The following AGPAT4 variants were observed in gnomAD, a reference collection of about 807,000 sequenced individuals.
AGPAT4 encodes the protein 1-acylglycerol-3-phosphate O-acyltransferase 4.
Under a neutral mutation model 48.0 loss-of-function variants are expected in AGPAT4, and 15 were observed. That is an observed-to-expected ratio of 0.31 (90% CI 0.21 to 0.48). AGPAT4 has a LOEUF of 0.48. Ranked by LOEUF, AGPAT4 falls within the 20% of genes least tolerant of loss-of-function variation. The pLI, the probability that AGPAT4 is intolerant of heterozygous loss-of-function variation, is 0.99. For missense variants in AGPAT4, 314 were observed against 482.5 expected, an observed-to-expected ratio of 0.65 and a Z score of 3.27; for synonymous variants, 178 against 198.7, an observed-to-expected ratio of 0.90 and a Z score of 0.88.
rs548080298 is a variant in AGPAT4, at chr6:161,158,492, G to C, written c.349-4182C>G. On this transcript the variant is annotated intron_variant, in intron 3 of 8. Transcript: ENST00000320285. The surrounding 1 kb of genome is among the most constrained non-coding windows in gnomAD (Gnocchi z 5.3). ...TGGAGTAAACCACTATGGAGAGAGA[G>C]AGTGAAAGAGAGAGTTGTCTTAGGG... Among the ~76,000 whole-genome samples the C allele has an allele frequency of 7.2e-5, 11 of 152,336 alleles. No homozygotes were observed. In the South Asian group the frequency reaches 2.1e-3, roughly 29 times the overall value.
intron 5 of AGPAT4, among the ~76,000 whole-genome samples, chr6:161,150,887 G>GTAGTTCAGCGGTT (rs1336784939): frequency 6.6e-6 from 1 of 152,218 alleles, no homozygotes; most frequent in Non-Finnish European, 1.5e-5. Flanking sequence ...CAGAGCTCAC[G>GTAGTTCAGCGGTT]TAGTTCAGCG....
In AGPAT4 at chr6:161,171,951, T is replaced by C. The variant is rs772697408; in HGVS notation, c.179-5534A>G. ...CCAAAAGTTTCCAACACATGAACTC[T>C]GGGGGACACATTCAGAACATAGCAT... On this transcript the variant is annotated intron_variant, in intron 2 of 8. Coordinates refer to ENST00000320285, the MANE Select transcript of AGPAT4 (RefSeq NM_020133.3). This position sits in a 1 kb window ranked among gnomAD's most constrained non-coding sequence, Gnocchi z 4.4. Among the ~76,000 whole-genome samples, 3 of 152,032 alleles carry C rather than the reference T, an allele frequency of 2.0e-5. No homozygotes were observed. Among genetic ancestry groups the C allele is most frequent in the Non-Finnish European group, 4.4e-5 (3 of 67,998 alleles).
chr6:161,218,653 T>C lies in AGPAT4; in HGVS notation c.178+13383A>G, dbSNP rs1047979902. Among the ~76,000 whole-genome samples the C allele has an allele frequency of 6.6e-6, 1 of 152,106 alleles. No individual in the cohort carries two copies. On this transcript the variant is annotated intron_variant, in intron 2 of 8. Coordinates refer to ENST00000320285, the MANE Select transcript of AGPAT4 (RefSeq NM_020133.3). The surrounding 1 kb of genome is among the most constrained non-coding windows in gnomAD (Gnocchi z 4.7). Reference sequence around the variant, plus strand: ...ACGGCCCTAGCACAGTGTATCCACATCAAATCTACTCAAAAACAGCCACTT... The same window carrying C: ...ACGGCCCTAGCACAGTGTATCCACACCAAATCTACTCAAAAACAGCCACTT...
intron 1 of AGPAT4, among the ~76,000 whole-genome samples, chr6:161,247,981 CAAAAAAAAAAAAAA>C (rs143168079): frequency 3.5e-5 from 1 of 28,212 alleles, no homozygotes; most frequent in East Asian, 1.3e-3. Flanking sequence ...GACTCTGTCT[CAAAAAAAAAAAAAA>C]AAAAAAAAAA....
chr6:161,173,232 A>G (rs1272377090), intron 2 of AGPAT4, among the ~76,000 whole-genome samples: 1 of 152,188 alleles, frequency 6.6e-6, no homozygotes, highest in African/African-American at 2.4e-5. Flanking sequence ...GTCTTCCACA[A>G]TGGTTGAACC....
chr6:161,157,082 CTG>C (rs1455693056), intron 3 of AGPAT4, among the ~76,000 whole-genome samples: 2 of 152,232 alleles, frequency 1.3e-5, no homozygotes, highest in Non-Finnish European at 2.9e-5. Flanking sequence ...CTCTATATTT[CTG>C]TGTGTCTTTA....
intron 2 of AGPAT4, among the ~76,000 whole-genome samples, chr6:161,185,221 T>C (rs1780734053): frequency 6.6e-6 from 1 of 151,482 alleles, no homozygotes; most frequent in Non-Finnish European, 1.5e-5. Flanking sequence ...TTACATTATA[T>C]TAAGAATGCC....
rs1248205717 is a variant in AGPAT4, at chr6:161,245,953, G to A, written c.-89-13651C>T. Among the ~76,000 whole-genome samples the A allele has an allele frequency of 6.6e-6, 1 of 152,176 alleles. No homozygotes were observed. Among genetic ancestry groups the A allele is most frequent in the Non-Finnish European group, 1.5e-5 (1 of 68,028 alleles). On this transcript the variant is annotated intron_variant, in intron 1 of 8. Transcript: ENST00000320285. This position sits in a 1 kb window ranked among gnomAD's most constrained non-coding sequence, Gnocchi z 5.2. ...TTTCTGACATGAATCATTTATTGAA[G>A]ACAGAATTGCTGGCTTCGAGTGCCC...
rs191615874 is a variant in AGPAT4 at position 161,249,994 on chromosome 6, C to A, written c.-89-17692G>T. 1.4e-3 allele frequency among the ~76,000 whole-genome samples: 206 copies of A among 152,324 alleles called. No individual in the cohort carries two copies. The highest frequency in any genetic ancestry group is 2.5e-3 in the Non-Finnish European group (172 of 68,030). On this transcript the variant is annotated intron_variant, in intron 1 of 8. Transcript: ENST00000320285. The surrounding 1 kb of genome is among the most constrained non-coding windows in gnomAD (Gnocchi z 6.2). The stretch of plus-strand genomic sequence containing the variant: ...ATAAAGGAAATGTGGTACATATATA[C>A]TGTGGAATATTATGCAACTATAAAA...
chr6:161,136,663 A>G, intron 8 of AGPAT4, 29 bp from the exon 9 acceptor site: 1 of 1,601,520 alleles, frequency 6.2e-7, no homozygotes, highest in South Asian at 1.1e-5. Flanking sequence ...CAGAGTTAGG[A>G]GTAGCCCAAA....
At chr6:161,172,963 G>C (rs1780315993) in intron 2 of AGPAT4, among the ~76,000 whole-genome samples, 1 of 152,156 alleles carries the variant, frequency 6.6e-6, no homozygotes, top group Non-Finnish European at 1.5e-5. Flanking sequence ...TCCCTACAAA[G>C]AACATGAACT....
chr6:161,228,661 T>TA (rs375011382), intron 2 of AGPAT4, among the ~76,000 whole-genome samples: 20,815 of 84,042 alleles, frequency 0.25, 3,013 homozygotes, highest in Non-Finnish European at 0.3. Context: ...GTCAGAGAGG[T>TA]AAAAAAAAAA....
At chr6:161,241,682 G>C (rs888381387) in intron 1 of AGPAT4, among the ~76,000 whole-genome samples, 1 of 152,200 alleles carries the variant, frequency 6.6e-6, no homozygotes, top group Non-Finnish European at 1.5e-5. Flanking sequence ...AGGAAATTAA[G>C]TGTTCTCTAA....
rs1779220436 is a variant in AGPAT4 at position 161,140,674 on chromosome 6, A to G, written c.844-1054T>C. 6.6e-6 allele frequency among the ~76,000 whole-genome samples: 1 copy of G among 152,066 alleles called. No individual in the cohort carries two copies. ...CTGAGCTGAGCCAGGACCTGGGGGGAACAAGGAGCTGTGGCACCAGGATGC... is the reference window on the plus strand; with the variant it reads ...CTGAGCTGAGCCAGGACCTGGGGGGGACAAGGAGCTGTGGCACCAGGATGC... On this transcript the variant is annotated intron_variant, in intron 7 of 8. Transcript: ENST00000320285. The surrounding 1 kb of genome is among the most constrained non-coding windows in gnomAD (Gnocchi z 6.5).
chr6:161,164,454 A>G lies in AGPAT4; in HGVS notation c.348+1794T>C, dbSNP rs1295255905. Among the ~76,000 whole-genome samples the G allele has an allele frequency of 1.3e-5, 2 of 152,232 alleles. No homozygotes were observed. Among genetic ancestry groups the G allele is most frequent in the Non-Finnish European group, 2.9e-5 (2 of 68,048 alleles). ...GCACATCACGAGCCAGGAAGGTATTAGAAGCCTGGTCCTTACTGCAGCTGG... is the reference window on the plus strand; with the variant it reads ...GCACATCACGAGCCAGGAAGGTATTGGAAGCCTGGTCCTTACTGCAGCTGG... On this transcript the variant is annotated intron_variant, in intron 3 of 8. Coordinates refer to ENST00000320285, the MANE Select transcript of AGPAT4 (RefSeq NM_020133.3). This position sits in a 1 kb window ranked among gnomAD's most constrained non-coding sequence, Gnocchi z 7.4.
Position 161,221,507 on chromosome 6 carries a change from C to T in AGPAT4, c.178+10529G>A, listed in dbSNP as rs1781834726. On this transcript the variant is annotated intron_variant, in intron 2 of 8. Transcript: ENST00000320285. The surrounding 1 kb of genome is among the most constrained non-coding windows in gnomAD (Gnocchi z 4.5). ...AAGGGAGAGGAGAGAGAAATAGATA[C>T]CATATTAATGTGTCATTTATCACGA... Among the ~76,000 whole-genome samples the T allele has an allele frequency of 6.6e-6, 1 of 152,106 alleles. No individual in the cohort carries two copies. Among genetic ancestry groups the T allele is most frequent in the Admixed American group, 6.5e-5 (1 of 15,268 alleles).
rs1235652965 is a variant in AGPAT4, at chr6:161,214,223, C to T, written c.178+17813G>A. Among the ~76,000 whole-genome samples the T allele has an allele frequency of 6.6e-6, 1 of 152,160 alleles. No homozygotes were observed. Among genetic ancestry groups the T allele is most frequent in the Non-Finnish European group, 1.5e-5 (1 of 68,028 alleles). ...ATGTTACATCTGTTGATTGATGTCTCGTGTCTCTCTAAAATGTATAAAACC... is the reference window on the plus strand; with the variant it reads ...ATGTTACATCTGTTGATTGATGTCTTGTGTCTCTCTAAAATGTATAAAACC... On this transcript the variant is annotated intron_variant, in intron 2 of 8. Coordinates refer to ENST00000320285, the MANE Select transcript of AGPAT4 (RefSeq NM_020133.3). This position sits in a 1 kb window ranked among gnomAD's most constrained non-coding sequence, Gnocchi z 5.4.
In AGPAT4 at chr6:161,249,616, A is replaced by G. The variant is rs891259513; in HGVS notation, c.-89-17314T>C. ...CAAATCAAAAACACAGTGAGATAGC[A>G]TCTCACACCAGTCAGAATGGCTATT... On this transcript the variant is annotated intron_variant, in intron 1 of 8. Coordinates refer to ENST00000320285, the MANE Select transcript of AGPAT4 (RefSeq NM_020133.3). The surrounding 1 kb of genome is among the most constrained non-coding windows in gnomAD (Gnocchi z 6.2). 2.0e-5 allele frequency among the ~76,000 whole-genome samples: 3 copies of G among 152,210 alleles called. No individual in the cohort carries two copies. The highest frequency in any genetic ancestry group is 7.2e-5 in the African/African-American group (3 of 41,462).
Position 161,203,014 on chromosome 6 carries a change from G to C in AGPAT4, c.178+29022C>G, listed in dbSNP as rs368432682. ...CCCTACTCTCGAGTCTCCCCACTGG[G>C]AACCAGGCATCCTGGAGCACAGCCT... On this transcript the variant is annotated intron_variant, in intron 2 of 8. Transcript: ENST00000320285. Among the ~76,000 whole-genome samples, 24 of 152,300 alleles carry C rather than the reference G, an allele frequency of 1.6e-4. No individual in the cohort carries two copies. In the East Asian group the frequency reaches 2.7e-3, roughly 17 times the overall value.
Sources: allele counts gnomAD v4.1 joint callset (sites outside exome capture counted in the v4.1 genomes callset), GRCh38; gene constraint gnomAD v4.1.1; non-coding constraint Gnocchi (gnomAD v3.1); transcripts MANE v1.5; gene names NCBI Gene and HGNC (gene_info 2026-07-23, HGNC 2026-07-21).